The following PACRG variants were observed in gnomAD, a reference collection of about 807,000 sequenced individuals.
PACRG encodes the protein parkin coregulated gene protein.
A neutral mutation model predicts 29.7 loss-of-function variants in PACRG; 29 were observed. That is an observed-to-expected ratio of 0.98 (90% CI 0.73 to 1.33). The LOEUF is 1.33. Ranked by LOEUF, PACRG falls within the 40% of genes most tolerant of loss-of-function variation. The probability of loss-of-function intolerance (pLI) is 0.00; values close to 1 mark genes in which losing one functional copy is unlikely to be tolerated. For synonymous variants in PACRG, 116 were observed against 118.7 expected, an observed-to-expected ratio of 0.98 and a Z score of 0.15; for missense variants, 279 against 316.2, an observed-to-expected ratio of 0.88 and a Z score of 0.89.
intron 2 of PACRG, among the ~76,000 whole-genome samples, chr6:162,971,480 T>C (rs1362983141): frequency 1.3e-5 from 2 of 152,172 alleles, no homozygotes; most frequent in Admixed American, 6.5e-5. Flanking sequence ...CCAGTCAGTG[T>C]CTGAACACAA....
chr6:163,117,344 C>T (rs1288141221), intron 4 of PACRG, among the ~76,000 whole-genome samples: 3 of 152,170 alleles, frequency 2.0e-5, no homozygotes, highest in Non-Finnish European at 4.4e-5. Context: ...AGACTGAGGC[C>T]GCCTGGCTCC....
intron 4 of PACRG, among the ~76,000 whole-genome samples, chr6:163,153,815 G>A (rs1778201830): frequency 6.6e-6 from 1 of 152,186 alleles, no homozygotes; most frequent in Non-Finnish European, 1.5e-5. Flanking sequence ...ACTATTTTGT[G>A]ACATGTCAAT....
rs67162530 is a variant in PACRG, at chr6:163,079,890, C to CTTTTTTTTTTTTT, written c.464-9356_464-9344dup. Among the ~76,000 whole-genome samples the CTTTTTTTTTTTTT allele has an allele frequency of 3.8e-5, 3 of 78,694 alleles. 1 individual carries two copies. Among genetic ancestry groups the CTTTTTTTTTTTTT allele is most frequent in the African/African-American group, 1.6e-4 (3 of 18,460 alleles). 51.6% of individuals were successfully genotyped at this position (78,694 alleles called of 152,430 possible). ...CAGAAGAAGAAATGTAGCAGTCATT[C>CTTTTTTTTTTTTT]TTTTTTTTTTTTTTTTTTTTTTTTT... is the stretch of plus-strand genomic sequence containing the variant. On this transcript the variant is annotated intron_variant, in intron 3 of 4. Transcript: ENST00000366888.
At chr6:163,158,044 T>A (rs1160260424) in intron 4 of PACRG, among the ~76,000 whole-genome samples, 1 of 152,206 alleles carries the variant, frequency 6.6e-6, no homozygotes, top group Non-Finnish European at 1.5e-5. Flanking sequence ...TAGACCCTTA[T>A]GGATAACACC....
At chr6:162,747,347 TATATATATATATATATACACATAC>T (rs1345207853) in intron 1 of PACRG, among the ~76,000 whole-genome samples, 1 of 75,972 alleles carries the variant, frequency 1.3e-5, no homozygotes, top group African/African-American at 6.6e-5. Context: ...TATATATATA[TATATATATATATATATACACATAC>T]ATATATATGT....
intron 2 of PACRG, among the ~76,000 whole-genome samples, chr6:162,995,708 G>T (rs986584634): frequency 6.6e-6 from 1 of 152,216 alleles, no homozygotes; most frequent in African/African-American, 2.4e-5. Context: ...CTTCTGCGTC[G>T]CTCACGCTGG....
intron 4 of PACRG, among the ~76,000 whole-genome samples, chr6:163,197,512 C>T (rs1411476981): frequency 7.0e-6 from 1 of 142,902 alleles, no homozygotes; most frequent in Non-Finnish European, 1.5e-5. Context: ...GGCGCGATCT[C>T]GGCTCACTGC....
At chr6:163,273,189 G>A (rs1038543852) in intron 4 of PACRG, among the ~76,000 whole-genome samples, 6 of 146,746 alleles carry the variant, frequency 4.1e-5, no homozygotes, top group South Asian at 4.2e-4. Context: ...CACCGCGCCC[G>A]GCCTGCATCA....
chr6:162,733,336 C>T (rs1401617641), intron 1 of PACRG, among the ~76,000 whole-genome samples: 1 of 152,238 alleles, frequency 6.6e-6, no homozygotes, highest in Non-Finnish European at 1.5e-5. Context: ...TCCGTGAGGG[C>T]AGTATCCACA....
intron 2 of PACRG, among the ~76,000 whole-genome samples, chr6:162,972,072 C>T (rs891199570): frequency 3.9e-5 from 6 of 152,196 alleles, no homozygotes; most frequent in African/African-American, 1.4e-4. Flanking sequence ...GAGGGCAGAA[C>T]ACTGGGTCAG....
At chr6:163,207,826 A>G (rs1357843352) in intron 4 of PACRG, among the ~76,000 whole-genome samples, 2 of 152,204 alleles carry the variant, frequency 1.3e-5, no homozygotes, top group African/African-American at 4.8e-5. Context: ...CCATAATCTT[A>G]TTTTTGCAAT....
intron 4 of PACRG, among the ~76,000 whole-genome samples, chr6:163,285,188 C>G (rs1430804455): frequency 2.0e-5 from 3 of 152,018 alleles, no homozygotes; most frequent in African/African-American, 7.2e-5. Context: ...CCTCTCCCCA[C>G]CCCACCTGCA....
chr6:162,974,339 G>A (rs930540200), intron 2 of PACRG, among the ~76,000 whole-genome samples: 1 of 152,154 alleles, frequency 6.6e-6, no homozygotes, highest in Non-Finnish European at 1.5e-5. Context: ...TAATGCCCAA[G>A]TAAATTGGGC....
intron 4 of PACRG, among the ~76,000 whole-genome samples, chr6:163,103,002 T>A (rs1475195165): frequency 6.6e-6 from 1 of 152,234 alleles, no homozygotes; most frequent in Non-Finnish European, 1.5e-5. Flanking sequence ...TTCCTGAGAT[T>A]AATAAATATT....
intron 2 of PACRG, among the ~76,000 whole-genome samples, chr6:162,906,198 T>C (rs1352872923): frequency 6.6e-6 from 1 of 152,246 alleles, no homozygotes; most frequent in East Asian, 1.9e-4. Context: ...AAATAATTAC[T>C]TTGTATAAGT....
chr6:163,245,800 G>A (rs1418184791), intron 4 of PACRG, among the ~76,000 whole-genome samples: 2 of 152,098 alleles, frequency 1.3e-5, no homozygotes, highest in Admixed American at 6.5e-5. Flanking sequence ...CTCGGTCTCC[G>A]GGCATTTTCT....
chr6:163,312,098 G>T (rs550614985), intron 4 of PACRG, among the ~76,000 whole-genome samples: 3 of 152,108 alleles, frequency 2.0e-5, no homozygotes, highest in Non-Finnish European at 2.9e-5. Context: ...TATCTTTTCC[G>T]TGTGCCCTCC....
intron 4 of PACRG, among the ~76,000 whole-genome samples, chr6:163,233,391 C>T (rs1782121881): frequency 1.3e-5 from 2 of 152,280 alleles, no homozygotes; most frequent in South Asian, 2.1e-4. Flanking sequence ...TACAGTTGAC[C>T]TAGATGGTAA....
At chr6:162,988,607 A>G (rs1042767505) in intron 2 of PACRG, among the ~76,000 whole-genome samples, 1 of 152,196 alleles carries the variant, frequency 6.6e-6, no homozygotes. Flanking sequence ...GGTAAATTTT[A>G]AAATGTTCAT....
Sources: allele counts gnomAD v4.1 joint callset (sites outside exome capture counted in the v4.1 genomes callset), GRCh38; gene constraint gnomAD v4.1.1; transcripts MANE v1.5; gene names NCBI Gene and HGNC (gene_info 2026-07-23, HGNC 2026-07-21).